COL24A1: variants seen among roughly 807,000 people sequenced by gnomAD.
COL24A1 encodes collagen type XXIV alpha 1 chain, also known as collagen alpha-1(XXIV) chain.
Under a neutral mutation model 253.9 loss-of-function variants are expected in COL24A1, and 224 were observed. The observed-to-expected ratio is 0.88, with a 90% CI of 0.79 to 0.99. The LOEUF is 0.99. Among genes scored for constraint, COL24A1 ranks in the 50% least tolerant of loss-of-function variants. The pLI is 0.00. For missense variants in COL24A1, 2,131 were observed against 2,068.5 expected, an observed-to-expected ratio of 1.03 and a Z score of -0.59; for synonymous variants, 685 against 673.7, an observed-to-expected ratio of 1.02 and a Z score of -0.26.
chr1:85,911,483 T>G, intron 24 of COL24A1, 50 bp from the exon 25 acceptor site: 1 of 1,392,250 alleles, frequency 7.2e-7, no homozygotes, highest in Non-Finnish European at 1.0e-6. Context: ...GTATTGCTAT[T>G]GTAGTGCCTG....
intron 53 of COL24A1, among the ~76,000 whole-genome samples, chr1:85,766,137 G>A (rs185231221): frequency 6.6e-6 from 1 of 151,988 alleles, no homozygotes; most frequent in East Asian, 1.9e-4. Flanking sequence ...AGGCTGAGGT[G>A]GGCAGATCAT....
chr1:85,899,549 GAGTT>G (rs1467801827), intron 28 of COL24A1, among the ~76,000 whole-genome samples: 1 of 152,176 alleles, frequency 6.6e-6, no homozygotes, highest in African/African-American at 2.4e-5. Context: ...TAGTGATAGA[GAGTT>G]AGAAAGTTAG....
At chr1:85,875,226 G>T (rs1680999691) in intron 34 of COL24A1, 51 bp downstream of exon 34, 2 of 1,466,416 alleles carry the variant, frequency 1.4e-6, no homozygotes, top group African/African-American at 1.4e-5. Context: ...CAAATGTAGG[G>T]GGTTCAATGG....
intron 24 of COL24A1, among the ~76,000 whole-genome samples, chr1:85,915,243 T>A (rs1327845205): frequency 6.6e-6 from 1 of 152,210 alleles, no homozygotes; most frequent in Non-Finnish European, 1.5e-5. Flanking sequence ...GCCTTTGAAC[T>A]AGGACAGCAT....
At chr1:85,868,484 A>T (rs754168821) in intron 37 of COL24A1, 35 bp downstream of exon 37, 2 of 1,479,796 alleles carry the variant, frequency 1.4e-6, no homozygotes, top group Non-Finnish European at 9.4e-7. Flanking sequence ...CAGTGAATTC[A>T]CTTAGTATTT....
intron 14 of COL24A1, among the ~76,000 whole-genome samples, chr1:86,026,680 A>G (rs1372374107): frequency 1.3e-5 from 2 of 152,224 alleles, no homozygotes; most frequent in Non-Finnish European, 2.9e-5. Flanking sequence ...AGAACTGGCT[A>G]TTACAGTAAA....
chr1:86,027,458 C>T lies in COL24A1; in HGVS notation c.2049+4420G>A, dbSNP rs144513538. On this transcript the variant is annotated intron_variant, in intron 14 of 59. Coordinates refer to ENST00000370571, the MANE Select transcript of COL24A1 (RefSeq NM_152890.7). Reference sequence around the variant, plus strand: ...TTGGTGCCCTGAATCCCAGCTGTGGCTAAAAGGGGTCAACACAGAGCTCAG... The same window carrying T: ...TTGGTGCCCTGAATCCCAGCTGTGGTTAAAAGGGGTCAACACAGAGCTCAG... 9.6e-3 allele frequency among the ~76,000 whole-genome samples: 1,455 copies of T among 152,258 alleles called. 10 individuals are homozygous for T. Among genetic ancestry groups the T allele is most frequent in the Non-Finnish European group, 0.014 (934 of 68,016 alleles).
chr1:86,053,799 T>A (rs1700486207), intron 10 of COL24A1, among the ~76,000 whole-genome samples: 1 of 152,074 alleles, frequency 6.6e-6, no homozygotes, highest in Non-Finnish European at 1.5e-5. Context: ...TACCAACAAA[T>A]AACTGCCAAT....
rs915540362 is a variant in COL24A1, at chr1:85,914,391, CT to C, written c.2563-2959del. Among the ~76,000 whole-genome samples the C allele has an allele frequency of 2.8e-3, 320 of 115,734 alleles. 2 individuals are homozygous for C. The highest frequency in any genetic ancestry group is 0.013 in the Middle Eastern group (3 of 224). 75.9% of individuals were successfully genotyped at this position (115,734 alleles called of 152,430 possible). A position where few individuals can be genotyped will look rare whatever the true frequency, so the allele number is the denominator to read the frequency against. On this transcript the variant is annotated intron_variant, in intron 24 of 59. Transcript: ENST00000370571. ...TTCTTCTCATTTCTTTTTTTCTTTTCTTTTTTTTTTTTTTCTTGAGATGGAG... is the reference window on the plus strand; with the variant it reads ...TTCTTCTCATTTCTTTTTTTCTTTTCTTTTTTTTTTTTTCTTGAGATGGAG...
intron 23 of COL24A1, among the ~76,000 whole-genome samples, chr1:85,963,677 T>C (rs984378257): frequency 2.6e-5 from 4 of 152,090 alleles, no homozygotes; most frequent in Non-Finnish European, 5.9e-5. Context: ...GAAACGCAAA[T>C]TTCAGTGACA....
chr1:86,115,248 C>G (rs772173649), intron 4 of COL24A1, 77 bp downstream of exon 4: 4 of 1,441,916 alleles, frequency 2.8e-6, no homozygotes, highest in Non-Finnish European at 3.9e-6. Context: ...GAAGTACATA[C>G]TGTACAATAC....
intron 19 of COL24A1, among the ~76,000 whole-genome samples, chr1:86,004,040 G>A (rs945511004): frequency 7.2e-5 from 11 of 152,168 alleles, no homozygotes; most frequent in Non-Finnish European, 1.3e-4. Flanking sequence ...AGTTATGTAT[G>A]AGCCCAACAG....
intron 37 of COL24A1, among the ~76,000 whole-genome samples, chr1:85,859,928 A>G (rs12124109): frequency 0.59 from 89,661 of 151,944 alleles, 26,671 homozygotes; most frequent in South Asian, 0.75. Flanking sequence ...GTCCAGCCTG[A>G]GCAACATAGC....
intron 28 of COL24A1, 78 bp from the exon 29 acceptor site, chr1:85,896,487 T>A (rs1683740074): frequency 9.8e-6 from 12 of 1,227,786 alleles, no homozygotes; most frequent in Admixed American, 5.6e-5. Flanking sequence ...TCCTCACAGA[T>A]GAACATGTTG....
chr1:85,863,525 A>G (rs932568237), intron 37 of COL24A1, among the ~76,000 whole-genome samples: 13 of 152,272 alleles, frequency 8.5e-5, no homozygotes, highest in Admixed American at 2.6e-4. Flanking sequence ...AAAAAGCAAT[A>G]GCAACAAAAG....
intron 2 of COL24A1, among the ~76,000 whole-genome samples, chr1:86,139,130 A>C (rs1297867223): frequency 6.9e-6 from 1 of 145,200 alleles, no homozygotes; most frequent in African/African-American, 2.5e-5. Context: ...AGCAGCACTG[A>C]TGTTGTTATC....
intron 7 of COL24A1, among the ~76,000 whole-genome samples, chr1:86,075,316 C>T (rs1023896095): frequency 6.6e-6 from 1 of 152,166 alleles, no homozygotes; most frequent in African/African-American, 2.4e-5. Context: ...TTCCTGGACA[C>T]ATACACCCTC....
At chr1:85,876,220 G>A (rs999030084) in intron 33 of COL24A1, among the ~76,000 whole-genome samples, 2 of 151,976 alleles carry the variant, frequency 1.3e-5, no homozygotes, top group Non-Finnish European at 2.9e-5. Flanking sequence ...TGGCAATAGG[G>A]ATAAAAAGGA....
At chr1:86,052,638 G>A (rs537984406) in intron 10 of COL24A1, among the ~76,000 whole-genome samples, 1 of 152,066 alleles carries the variant, frequency 6.6e-6, no homozygotes, top group East Asian at 1.9e-4. Context: ...GATGAAAAAA[G>A]TTTTTAAGAT....
Sources: gnomAD v4.1 joint callset for allele counts (sites outside exome capture counted in the v4.1 genomes callset) on GRCh38, gnomAD v4.1.1 for gene constraint, MANE v1.5 for transcripts, NCBI Gene and HGNC (gene_info 2026-07-23, HGNC 2026-07-21) for gene names.